Variants in FNBP1 observed in about 807,000 individuals in gnomAD.
FNBP1 encodes the protein formin-binding protein 1.
In FNBP1, 26 loss-of-function variants were observed where a neutral mutation model predicts 90.6. The ratio of observed to expected loss-of-function variants is 0.29; its 90% CI spans 0.21 to 0.40. The LOEUF (loss-of-function observed/expected upper bound fraction) is 0.40, where lower values mean the gene tolerates loss of function less well. FNBP1 is among the 10% of genes least tolerant of loss of function. The probability of loss-of-function intolerance (pLI) is 1.00; values close to 1 mark genes in which losing one functional copy is unlikely to be tolerated. For synonymous variants in FNBP1, 260 were observed against 265.2 expected, an observed-to-expected ratio of 0.98 and a Z score of 0.19; for missense variants, 635 against 768.0, an observed-to-expected ratio of 0.83 and a Z score of 2.05.
At position 129,890,308 on chromosome 9, in the gene FNBP1, A is replaced by C. The variant is rs1588309078; in HGVS notation, c.*231T>G. ...TGGGGAGGGGGAGCGATGAGGACTG[A>C]CCCGAGCCATGGGGGTGGGCGCTGG... On this transcript the variant is annotated 3_prime_UTR_variant, in exon 17 of 17. Transcript: ENST00000446176. This position sits in a 1 kb window ranked among gnomAD's most constrained non-coding sequence, Gnocchi z 5.8. 1.8e-6 allele frequency: 1 copy of C among 562,552 alleles called. No individual in the cohort carries two copies. Among genetic ancestry groups the C allele is most frequent in the Non-Finnish European group, 3.1e-6 (1 of 319,278 alleles). 34.8% of individuals were successfully genotyped at this position (562,552 alleles called of 1,614,324 possible).
chr9:130,042,500 C>T lies in FNBP1; in HGVS notation c.24+452G>A, dbSNP rs1158834882. ...CCCCGCTCCCGGGGAAGTGCCCGAT[C>T]CGCCAGCGCCTCCGCGGAGCCAGGA... On this transcript the variant is annotated intron_variant, in intron 1 of 16. Coordinates refer to ENST00000446176, the MANE Select transcript of FNBP1 (RefSeq NM_015033.3). This position sits in a 1 kb window ranked among gnomAD's most constrained non-coding sequence, Gnocchi z 5.5. 6.6e-6 allele frequency among the ~76,000 whole-genome samples: 1 copy of T among 152,058 alleles called. No individual in the cohort carries two copies. The highest frequency in any genetic ancestry group is 2.0e-4 in the East Asian group (1 of 5,128).
In FNBP1 at chr9:130,042,699, C is replaced by A. The variant is rs1299657460; in HGVS notation, c.24+253G>T. On this transcript the variant is annotated intron_variant, in intron 1 of 16. Coordinates refer to ENST00000446176, the MANE Select transcript of FNBP1 (RefSeq NM_015033.3). The surrounding 1 kb of genome is among the most constrained non-coding windows in gnomAD (Gnocchi z 5.5). The stretch of plus-strand genomic sequence containing the variant: ...GGGGCGCCGGGGACAGGGAGGCCCG[C>A]CCGCGCCGTTCCTCAGGCCGCCGGG... Among the ~76,000 whole-genome samples the A allele has an allele frequency of 1.3e-5, 2 of 151,776 alleles. No homozygotes were observed. Among genetic ancestry groups the A allele is most frequent in the African/African-American group, 4.8e-5 (2 of 41,394 alleles).
intron 4 of FNBP1, among the ~76,000 whole-genome samples, chr9:129,975,867 C>A (rs1256538697): frequency 7.5e-6 from 1 of 132,826 alleles, no homozygotes; most frequent in African/African-American, 2.8e-5. Context: ...CGTGCCACTG[C>A]ACTCCAGTCT....
chr9:129,965,385 G>A (rs1399381618), intron 4 of FNBP1, among the ~76,000 whole-genome samples: 1 of 152,070 alleles, frequency 6.6e-6, no homozygotes, highest in Non-Finnish European at 1.5e-5. Context: ...GACTTTACCC[G>A]TAACACTGAG....
chr9:130,010,193 T>C (rs1372447862), intron 1 of FNBP1, among the ~76,000 whole-genome samples: 1 of 152,166 alleles, frequency 6.6e-6, no homozygotes, highest in Non-Finnish European at 1.5e-5. Flanking sequence ...TTCTGTGAGA[T>C]ATCCCTTGCA....
In FNBP1 at chr9:130,042,541, G is replaced by A. The variant is rs1420863838; in HGVS notation, c.24+411C>T. Among the ~76,000 whole-genome samples the A allele has an allele frequency of 4.0e-5, 6 of 151,780 alleles. No homozygotes were observed. Among genetic ancestry groups the A allele is most frequent in the African/African-American group, 1.5e-4 (6 of 41,372 alleles). ...GGAGCCAGGACAGAACTCGCGGCCGGGGCGCCCCGAGACCCAACGCAGCGC... is the reference window on the plus strand; with the variant it reads ...GGAGCCAGGACAGAACTCGCGGCCGAGGCGCCCCGAGACCCAACGCAGCGC... On this transcript the variant is annotated intron_variant, in intron 1 of 16. Transcript: ENST00000446176. This position sits in a 1 kb window ranked among gnomAD's most constrained non-coding sequence, Gnocchi z 5.5.
chr9:129,898,740 G>A (rs552007180), intron 15 of FNBP1, among the ~76,000 whole-genome samples: 1 of 151,664 alleles, frequency 6.6e-6, no homozygotes, highest in Non-Finnish European at 1.5e-5. Flanking sequence ...CGCCTGCCTC[G>A]GCCTCCCAAA....
intron 4 of FNBP1, among the ~76,000 whole-genome samples, chr9:129,978,174 C>T (rs935780436): frequency 6.6e-6 from 1 of 152,094 alleles, no homozygotes; most frequent in Non-Finnish European, 1.5e-5. Flanking sequence ...CCACATGCCA[C>T]CACGCCTGGC....
intron 6 of FNBP1, among the ~76,000 whole-genome samples, chr9:129,932,243 C>T (rs1322097739): frequency 3.4e-5 from 5 of 147,534 alleles, no homozygotes; most frequent in Non-Finnish European, 6.0e-5. Context: ...AAAGAACAAA[C>T]GAATGAAAGA....
chr9:129,924,689 G>A (rs569680387), intron 9 of FNBP1, among the ~76,000 whole-genome samples: 1 of 152,294 alleles, frequency 6.6e-6, no homozygotes, highest in East Asian at 1.9e-4. Flanking sequence ...GGAGAGGAAG[G>A]AGGGAAAGGC....
At position 130,039,334 on chromosome 9, in the gene FNBP1, G is replaced by A. The variant is rs144102121; in HGVS notation, c.24+3618C>T. On this transcript the variant is annotated intron_variant, in intron 1 of 16. Coordinates refer to ENST00000446176, the MANE Select transcript of FNBP1 (RefSeq NM_015033.3). ...AAAAGGCAATGTTATGAAGAGCTAT[G>A]TTATGAAGAGTTGTAAACTATTTTA... Among the ~76,000 whole-genome samples, 574 of 152,324 alleles carry A rather than the reference G, an allele frequency of 3.8e-3. 6 individuals carry two copies. The highest frequency in any genetic ancestry group is 0.013 in the African/African-American group (537 of 41,566).
At chr9:129,949,610 C>A (rs2045862916) in intron 6 of FNBP1, among the ~76,000 whole-genome samples, 1 of 151,956 alleles carries the variant, frequency 6.6e-6, no homozygotes, top group South Asian at 2.1e-4. Context: ...ACCTGCATTG[C>A]CAGACTTAGG....
chr9:129,990,520 G>T (rs551095675), intron 2 of FNBP1, among the ~76,000 whole-genome samples: 2 of 152,338 alleles, frequency 1.3e-5, no homozygotes, highest in Non-Finnish European at 1.5e-5. Flanking sequence ...GGTTACAGCA[G>T]AGAGGAGGAG....
In FNBP1 at chr9:129,931,445, A is replaced by G. The variant is rs192063852; in HGVS notation, c.514-1750T>C. ...GGTGAAACCCCGTCTCTACTAAAAAAAATACAAAAAATTAGCCGGGTGTGG... is the reference window on the plus strand; with the variant it reads ...GGTGAAACCCCGTCTCTACTAAAAAGAATACAAAAAATTAGCCGGGTGTGG... On this transcript the variant is annotated intron_variant, in intron 6 of 16. Transcript: ENST00000446176. Among the ~76,000 whole-genome samples, 753 of 151,622 alleles carry G rather than the reference A, an allele frequency of 5.0e-3. 19 individuals are homozygous for G. The highest frequency in any genetic ancestry group is 0.046 in the Admixed American group (703 of 15,206).
At chr9:130,047,675 G>A (rs537935320), upstream of FNBP1, among the ~76,000 whole-genome samples, 1 of 152,056 alleles carries the variant, frequency 6.6e-6, no homozygotes, top group South Asian at 2.1e-4. Flanking sequence ...TACTCTCAGT[G>A]GGGGACTCAA....
At chr9:130,036,674 C>A (rs541330145) in intron 1 of FNBP1, among the ~76,000 whole-genome samples, 1 of 152,332 alleles carries the variant, frequency 6.6e-6, no homozygotes, top group East Asian at 1.9e-4. Context: ...GCCCTACCCA[C>A]CATGGTTCAG....
chr9:130,004,975 A>G (rs2131538992), intron 1 of FNBP1, among the ~76,000 whole-genome samples: 1 of 150,488 alleles, frequency 6.6e-6, no homozygotes, highest in East Asian at 2.0e-4. Flanking sequence ...CTGAAGCAGG[A>G]GAATCGCTTG....
intron 1 of FNBP1, among the ~76,000 whole-genome samples, chr9:130,014,415 C>A (rs2057007767): frequency 6.6e-6 from 1 of 151,864 alleles, no homozygotes; most frequent in African/African-American, 2.4e-5. Context: ...CCACGCCTGG[C>A]TAATTTTTGT....
At chr9:129,920,899 A>G (rs2040987777) in intron 10 of FNBP1, among the ~76,000 whole-genome samples, 1 of 152,178 alleles carries the variant, frequency 6.6e-6, no homozygotes, top group South Asian at 2.1e-4. Flanking sequence ...TCTAGCAAAA[A>G]CACCCTTGTC....
Sources: gnomAD v4.1 joint callset for allele counts (sites outside exome capture counted in the v4.1 genomes callset) on GRCh38, gnomAD v4.1.1 for gene constraint, Gnocchi (gnomAD v3.1) non-coding constraint, MANE v1.5 for transcripts, NCBI Gene and HGNC (gene_info 2026-07-23, HGNC 2026-07-21) for gene names.